PHF21A: variants seen among roughly 807,000 people sequenced by gnomAD.
The protein encoded by PHF21A is BHC80a.
PHF21A carries 11 observed loss-of-function variants against 82.5 expected under a neutral mutation model. The ratio of observed to expected loss-of-function variants is 0.13; its 90% CI spans 0.08 to 0.22. The LOEUF is 0.22. Among genes scored for constraint, PHF21A ranks in the 10% least tolerant of loss-of-function variants. The probability of loss-of-function intolerance (pLI) is 1.00; values close to 1 mark genes in which losing one functional copy is unlikely to be tolerated. For missense variants in PHF21A, 579 were observed against 837.8 expected (o/e 0.69, Z 3.81); for synonymous variants, 297 against 302.8 (o/e 0.98, Z 0.20).
intron 6 of PHF21A, among the ~76,000 whole-genome samples, chr11:45,986,106 C>CACACACACACACACACACACAG (rs2094483711): frequency 6.6e-6 from 1 of 151,692 alleles, no homozygotes; most frequent in African/African-American, 2.4e-5. Context: ...CACACACACA[C>CACACACACACACACACACACAG]ACAGAGGTAT....
Position 45,993,834 on chromosome 11 carries a change from GGCTCGGGCA to G in PHF21A, c.154-13877_154-13869del, listed in dbSNP as rs1263624378. 2.0e-5 allele frequency among the ~76,000 whole-genome samples: 3 copies of G among 151,986 alleles called. No homozygotes were observed. In the East Asian group the frequency reaches 5.8e-4, roughly 30 times the overall value. ...TGGGAAACGGGACGGTCAGAGATGAGGCTCGGGCAGCTGGCGAGATAGCTCTGGAGCCTG... is the reference window on the plus strand; with the variant it reads ...TGGGAAACGGGACGGTCAGAGATGAGGCTGGCGAGATAGCTCTGGAGCCTG... On this transcript the variant is annotated intron_variant, in intron 6 of 18. Transcript: ENST00000676320.
chr11:46,083,239 C>A (rs1375804895), intron 4 of PHF21A, among the ~76,000 whole-genome samples: 1 of 151,840 alleles, frequency 6.6e-6, no homozygotes, highest in Non-Finnish European at 1.5e-5. Context: ...AACTCTGCAG[C>A]GGAACAAGAG....
intron 1 of PHF21A, among the ~76,000 whole-genome samples, chr11:46,106,487 G>A (rs564595630): frequency 1.3e-5 from 2 of 152,262 alleles, no homozygotes; most frequent in South Asian, 4.1e-4. Context: ...CTGCTCTGAG[G>A]TGTTGGGGGT....
intron 4 of PHF21A, among the ~76,000 whole-genome samples, chr11:46,082,834 G>T (rs1188529185): frequency 1.3e-5 from 2 of 151,962 alleles, no homozygotes; most frequent in Non-Finnish European, 2.9e-5. Flanking sequence ...GGATTATTTG[G>T]GATTTGCTCA....
intron 4 of PHF21A, among the ~76,000 whole-genome samples, chr11:46,079,390 C>T (rs1408626234): frequency 1.3e-5 from 2 of 151,242 alleles, no homozygotes; most frequent in Non-Finnish European, 2.9e-5. Context: ...TGAAAAAGTG[C>T]CTGATTTTTA....
At chr11:46,032,104 A>T (rs183101819) in intron 6 of PHF21A, among the ~76,000 whole-genome samples, 11 of 152,318 alleles carry the variant, frequency 7.2e-5, no homozygotes, top group Non-Finnish European at 1.5e-4. Context: ...AAGGAGACAC[A>T]CCAGAGTTTG....
chr11:45,979,079 T>A (rs957294903), intron 7 of PHF21A, among the ~76,000 whole-genome samples: 3 of 151,792 alleles, frequency 2.0e-5, no homozygotes, highest in Admixed American at 1.3e-4. Context: ...TGCAGTGGTG[T>A]GATCTCAGCC....
chr11:46,015,463 T>C (rs1228198782), intron 6 of PHF21A, among the ~76,000 whole-genome samples: 2 of 152,162 alleles, frequency 1.3e-5, no homozygotes, highest in Non-Finnish European at 2.9e-5. Context: ...TCTAGGATTC[T>C]TATAGTTTGA....
intron 1 of PHF21A, chr11:46,119,903 G>T (rs1852593807): frequency 6.8e-6 from 1 of 147,058 alleles, no homozygotes; most frequent in African/African-American, 2.5e-5. Context: ...GGCGCGGGCG[G>T]GGGAGGGGCG....
chr11:45,972,951 G>A (rs940803401), intron 7 of PHF21A, among the ~76,000 whole-genome samples: 5 of 150,600 alleles, frequency 3.3e-5, no homozygotes, highest in Admixed American at 1.3e-4. Flanking sequence ...GGTGGCAGGC[G>A]CCTGTAATCC....
At chr11:46,055,197 G>A (rs1266326955) in intron 6 of PHF21A, among the ~76,000 whole-genome samples, 1 of 152,080 alleles carries the variant, frequency 6.6e-6, no homozygotes, top group Non-Finnish European at 1.5e-5. Flanking sequence ...ATCCCATTCT[G>A]TTATAGATCT....
chr11:45,967,821 T>G (rs2093537501), intron 9 of PHF21A, among the ~76,000 whole-genome samples: 1 of 152,194 alleles, frequency 6.6e-6, no homozygotes, highest in Admixed American at 6.5e-5. Flanking sequence ...AGAAATATAT[T>G]TTACTCTGTA....
At position 45,974,681 on chromosome 11, in the gene PHF21A, G is replaced by A. The variant is rs1488544167; in HGVS notation, c.361-3314C>T. ...TGTTGCCCAGGCTGGTCTAGAACTC[G>A]CTCTCACGTAATCCTCCCACATCGG... On this transcript the variant is annotated intron_variant, in intron 7 of 18. Transcript: ENST00000676320. Among the ~76,000 whole-genome samples the A allele has an allele frequency of 2.6e-5, 4 of 151,776 alleles. 1 individual carries two copies. The highest frequency in any genetic ancestry group is 4.1e-4 in the South Asian group (2 of 4,822).
At chr11:46,001,314 G>A (rs2137026008) in intron 6 of PHF21A, among the ~76,000 whole-genome samples, 1 of 150,992 alleles carries the variant, frequency 6.6e-6, no homozygotes, top group Admixed American at 6.6e-5. Flanking sequence ...GCTCTAAGAT[G>A]TTCTGTCACC....
intron 1 of PHF21A, among the ~76,000 whole-genome samples, chr11:46,106,633 C>G (rs1017402042): frequency 2.0e-5 from 3 of 152,334 alleles, no homozygotes; most frequent in Non-Finnish European, 2.9e-5. Flanking sequence ...TTCAAAAATG[C>G]TGTAGCAACA....
At chr11:46,108,567 G>GTATATATA (rs146891624) in intron 1 of PHF21A, among the ~76,000 whole-genome samples, 4,047 of 62,144 alleles carry the variant, frequency 0.065, 159 homozygotes, top group African/African-American at 0.11. Context: ...GTGTGTGTGT[G>GTATATATA]TATATATATA....
intron 10 of PHF21A, among the ~76,000 whole-genome samples, chr11:45,961,742 CT>C (rs2093093048): frequency 6.6e-6 from 1 of 152,136 alleles, no homozygotes; most frequent in African/African-American, 2.4e-5. Context: ...AAATACCTGA[CT>C]TCATTTCATC....
At chr11:46,090,388 A>C (rs907632005) in intron 3 of PHF21A, 67 bp downstream of exon 3, 1 of 152,218 alleles carries the variant, frequency 6.6e-6, no homozygotes, top group Non-Finnish European at 1.5e-5. Flanking sequence ...TGGGAGATAG[A>C]TTTCAGATCA....
chr11:46,001,285 CA>C (rs1343950895), intron 6 of PHF21A, among the ~76,000 whole-genome samples: 3 of 150,900 alleles, frequency 2.0e-5, no homozygotes, highest in South Asian at 4.2e-4. Context: ...CTGTGACCAC[CA>C]GGGGGGCTGG....
Sources: gnomAD v4.1 joint callset for allele counts (sites outside exome capture counted in the v4.1 genomes callset) on GRCh38, gnomAD v4.1.1 for gene constraint, MANE v1.5 for transcripts, NCBI Gene and HGNC (gene_info 2026-07-23, HGNC 2026-07-21) for gene names.